LMF1: variants seen among roughly 807,000 people sequenced by gnomAD.
The protein encoded by LMF1 is lipase maturation factor 1.
Under a neutral mutation model 60.6 loss-of-function variants are expected in LMF1, and 68 were observed. That is an observed-to-expected ratio of 1.12 (90% confidence interval 0.92 to 1.37). The LOEUF is 1.37. LMF1 is among the 40% of genes most tolerant of loss of function. LMF1 has a pLI of 0.00. For synonymous variants in LMF1, 418 were observed against 324.7 expected (o/e 1.29, Z -3.09); for missense variants, 948 against 767.2 (o/e 1.24, Z -2.78).
intron 3 of LMF1, among the ~76,000 whole-genome samples, chr16:927,138 A>G (rs967940949): frequency 6.6e-6 from 1 of 152,218 alleles, no homozygotes; most frequent in African/African-American, 2.4e-5. Flanking sequence ...AGGGCCGCTC[A>G]TGGTGAGGAA....
chr16:867,232 G>T (rs557275168), intron 10 of LMF1, among the ~76,000 whole-genome samples: 43 of 152,314 alleles, frequency 2.8e-4, no homozygotes, highest in African/African-American at 1.0e-3. Context: ...TTCACACTTG[G>T]TTTTCACAGT....
intron 4 of LMF1, among the ~76,000 whole-genome samples, chr16:907,817 A>G (rs2071008177): frequency 6.6e-6 from 1 of 152,158 alleles, no homozygotes; most frequent in Non-Finnish European, 1.5e-5. Flanking sequence ...CACACCCAAC[A>G]CAGGAGTCTA....
intron 1 of LMF1, chr16:968,463 T>C (rs2072972358): frequency 6.6e-6 from 1 of 152,234 alleles, no homozygotes; most frequent in Non-Finnish European, 1.5e-5. Flanking sequence ...GGAGAGCCCC[T>C]ATGGCAACTT....
chr16:869,395 T>C lies in LMF1; in HGVS notation c.1417-339A>G, dbSNP rs111615723. The C allele has an allele frequency of 2.2e-3, 1,267 of 582,830 alleles. 15 individuals are homozygous for C. Among genetic ancestry groups the C allele is most frequent in the African/African-American group, 0.02 (1,113 of 54,600 alleles). The allele number at this position is 582,830 out of a possible 1,614,324, so 36.1% of individuals were successfully genotyped here. ...CGGGAGGACAGAAACAGCAGCTCTG[T>C]CCATGGGTGCCTCTGCTACCCCCAG... is the stretch of plus-strand genomic sequence containing the variant. On this transcript the variant is annotated intron_variant, in intron 9 of 10. Transcript: ENST00000262301.
chr16:978,910 G>T, intron 1 of LMF1: 1 of 446,174 alleles, frequency 2.2e-6, no homozygotes, highest in African/African-American at 2.0e-5. Context: ...GAACACGCTG[G>T]CCTCTCCCTG....
intron 3 of LMF1, among the ~76,000 whole-genome samples, chr16:916,583 G>A (rs113731532): frequency 2.2e-4 from 33 of 152,292 alleles, no homozygotes; most frequent in South Asian, 6.2e-4. Flanking sequence ...CTCTCGCTGC[G>A]CGCCAGTGGC....
chr16:866,772 G>C (rs552206109), intron 10 of LMF1, among the ~76,000 whole-genome samples: 1 of 152,276 alleles, frequency 6.6e-6, no homozygotes, highest in East Asian at 1.9e-4. Flanking sequence ...CCTTTAGTCA[G>C]AGAGAGCAGA....
At chr16:904,267 A>T (rs1236525068) in intron 4 of LMF1, among the ~76,000 whole-genome samples, 1 of 114,650 alleles carries the variant, frequency 8.7e-6, no homozygotes, top group Non-Finnish European at 1.7e-5. Flanking sequence ...CGCCCACAGG[A>T]CGCCTGTCTC....
At chr16:966,408 G>A (rs1033750957) in intron 1 of LMF1, among the ~76,000 whole-genome samples, 1 of 152,196 alleles carries the variant, frequency 6.6e-6, no homozygotes, top group Admixed American at 6.5e-5. Context: ...ACAAACACAT[G>A]GACCGACAGA....
rs1254387917 is a variant in LMF1, at chr16:917,336, GCA to G, written c.515-6259_515-6258del. 1.2e-3 allele frequency among the ~76,000 whole-genome samples: 122 copies of G among 101,100 alleles called. 5 individuals are homozygous for G. Among genetic ancestry groups the G allele is most frequent in the African/African-American group, 6.0e-3 (112 of 18,798 alleles). The allele number at this position is 101,100 out of a possible 152,430, so 66.3% of individuals were successfully genotyped here. Reference sequence around the variant, plus strand: ...CCACGTGAAGAAATGCCACATGTGTGCACTGCGGGTGGGCGCAGGCCCACGTG... The same window carrying G: ...CCACGTGAAGAAATGCCACATGTGTGCTGCGGGTGGGCGCAGGCCCACGTG... On this transcript the variant is annotated intron_variant, in intron 3 of 10. Coordinates refer to ENST00000262301, the MANE Select transcript of LMF1 (RefSeq NM_022773.4).
At chr16:951,998 C>G (rs1014606168) in intron 2 of LMF1, among the ~76,000 whole-genome samples, 1 of 152,202 alleles carries the variant, frequency 6.6e-6, no homozygotes, top group Non-Finnish European at 1.5e-5. Flanking sequence ...CCCGTGAGAG[C>G]GCCTGACCCC....
Position 874,314 on chromosome 16 carries a change from G to A in LMF1, c.898-2973C>T, listed in dbSNP as rs2069903714. Among the ~76,000 whole-genome samples, 1 of 152,070 alleles carries A rather than the reference G, an allele frequency of 6.6e-6. No individual in the cohort carries two copies. The highest frequency in any genetic ancestry group is 1.9e-4 in the East Asian group (1 of 5,184). ...CGGGCCTCTGTCTTGAGCGGGCGTG[G>A]GGTGCAGCCACCACAGGGCAAGGAG... On this transcript the variant is annotated intron_variant, in intron 6 of 10. Coordinates refer to ENST00000262301, the MANE Select transcript of LMF1 (RefSeq NM_022773.4). This position sits in a 1 kb window ranked among gnomAD's most constrained non-coding sequence, Gnocchi z 4.1.
intron 1 of LMF1, among the ~76,000 whole-genome samples, chr16:963,385 T>G (rs558817925): frequency 1.3e-5 from 2 of 152,210 alleles, no homozygotes; most frequent in East Asian, 3.9e-4. Flanking sequence ...GACATGCCCA[T>G]GTGTCCCTGT....
chr16:854,313 G>C lies in LMF1; in HGVS notation c.*219C>G. ...CAGAGCCCCTGGCGCCTGGGACAAG[G>C]GTTGGCCTGGATGTGGGGCCCCAGG... On this transcript the variant is annotated 3_prime_UTR_variant, in exon 11 of 11. Coordinates refer to ENST00000262301, the MANE Select transcript of LMF1 (RefSeq NM_022773.4). 1.4e-6 allele frequency: 1 copy of C among 693,518 alleles called. No homozygotes were observed. The highest frequency in any genetic ancestry group is 2.6e-6 in the Non-Finnish European group (1 of 381,340). 43.0% of individuals were successfully genotyped at this position (693,518 alleles called of 1,614,324 possible).
chr16:932,883 T>C (rs1300686963), intron 3 of LMF1, among the ~76,000 whole-genome samples: 1 of 151,292 alleles, frequency 6.6e-6, no homozygotes, highest in South Asian at 2.1e-4. Flanking sequence ...TCACGTCTAC[T>C]CGCTCCCACA....
intron 2 of LMF1, among the ~76,000 whole-genome samples, chr16:944,728 A>G (rs1567288565): frequency 6.6e-6 from 1 of 152,138 alleles, no homozygotes; most frequent in Non-Finnish European, 1.5e-5. Context: ...CCTCTCCCTC[A>G]AACTGCCCCT....
At chr16:920,184 A>G (rs866750834) in intron 3 of LMF1, among the ~76,000 whole-genome samples, 1 of 150,780 alleles carries the variant, frequency 6.6e-6, no homozygotes, top group Non-Finnish European at 1.5e-5. Context: ...CCCCAACATG[A>G]CATCCACACT....
chr16:958,557 C>T (rs1252680845), intron 1 of LMF1, among the ~76,000 whole-genome samples: 3 of 152,200 alleles, frequency 2.0e-5, no homozygotes, highest in Non-Finnish European at 4.4e-5. Flanking sequence ...CGTGCTGTCA[C>T]CACACACACG....
Position 853,751 on chromosome 16 carries a change from A to G in LMF1, c.*781T>C, listed in dbSNP as rs2069109994. On this transcript the variant is annotated 3_prime_UTR_variant, in exon 11 of 11. Transcript: ENST00000262301. ...AGACGCTGTTTGTCCGACGATGATG[A>G]AAGTGTGCACGGCCGGCTGTCCTCC... is the stretch of plus-strand genomic sequence containing the variant. 4 of 454,038 alleles carry G rather than the reference A, an allele frequency of 8.8e-6. No individual in the cohort carries two copies. Among genetic ancestry groups the G allele is most frequent in the South Asian group, 4.7e-5 (3 of 64,486 alleles). The allele number at this position is 454,038 out of a possible 1,614,324, so 28.1% of individuals were successfully genotyped here. A position where few individuals can be genotyped will look rare whatever the true frequency, so the allele number is the denominator to read the frequency against.
Sources: gnomAD v4.1 joint callset for allele counts (sites outside exome capture counted in the v4.1 genomes callset) on GRCh38, gnomAD v4.1.1 for gene constraint, Gnocchi (gnomAD v3.1) non-coding constraint, MANE v1.5 for transcripts, NCBI Gene and HGNC (gene_info 2026-07-23, HGNC 2026-07-21) for gene names.